The following TF variants were observed in gnomAD, a reference collection of about 807,000 sequenced individuals.
TF encodes transferrin, also known as serotransferrin.
TF carries 55 observed loss-of-function variants against 82.4 expected under a neutral mutation model. The ratio of observed to expected loss-of-function variants is 0.67; its 90% CI spans 0.54 to 0.84. The LOEUF is 0.84. TF is among the 40% of genes least tolerant of loss of function. The pLI is 0.00. For synonymous variants in TF, 332 were observed against 332.6 expected (o/e 1.00, Z 0.02); for missense variants, 737 against 868.4 (o/e 0.85, Z 1.90).
At chr3:133,754,729 A>G in intron 4 of TF, 58 bp downstream of exon 4, 1 of 1,560,196 alleles carries the variant, frequency 6.4e-7, no homozygotes, top group East Asian at 2.2e-5. Flanking sequence ...AGATGCCCAC[A>G]CAGGCTGCAC....
At chr3:133,682,741 C>T in the TF span, among the ~76,000 whole-genome samples, 7 of 103,132 alleles carry the variant, frequency 6.8e-5, no homozygotes, top group Admixed American at 1.9e-4. Context: ...GATTGGTGTA[C>T]CTGAAAGTGA....
rs771354238 is a variant in TF, at chr3:133,766,403, C to G, written c.1456C>G (p.Leu486Val). The G allele has an allele frequency of 2.9e-5, 47 of 1,614,084 alleles. No individual in the cohort carries two copies. The highest frequency in any genetic ancestry group is 3.7e-5 in the Non-Finnish European group (44 of 1,180,036). Residue 486 changes from leucine to valine, a missense_variant, in exon 12 of 17, where the codon CTC becomes GTC. By Grantham distance (32) the Leu-to-Val change is conservative. Coordinates refer to ENST00000402696, the MANE Select transcript of TF (RefSeq NM_001063.4). ...TGGCTGGAACATCCCCATGGGCCTG[C>G]TCTACAATAAGATCAACCACTGCAG... ...TAGWNIPMGL[L>V]YNKINHCRFD... is the part of the protein sequence containing the mutation.
At chr3:133,688,545 C>G in the TF span, among the ~76,000 whole-genome samples, 2 of 151,710 alleles carry the variant, frequency 1.3e-5, no homozygotes, top group African/African-American at 4.9e-5. Flanking sequence ...TGTAGCTGCT[C>G]AACATTCATT....
upstream of TF, among the ~76,000 whole-genome samples, chr3:133,745,688 T>C (rs1438363738): frequency 6.6e-6 from 1 of 152,216 alleles, no homozygotes; most frequent in Non-Finnish European, 1.5e-5. Flanking sequence ...CTTGACCATG[T>C]TCCTGGAACC....
chr3:133,753,653 C>T lies in TF; in HGVS notation c.275C>T (p.Ala92Val). ...DAGLVYDAYLAPNNLKPVVAE... is the reference protein window; with the variant it reads ...DAGLVYDAYLVPNNLKPVVAE... Reference sequence around the variant, plus strand: ...GGTTTGGTGTATGATGCTTACCTGGCTCCCAATAACCTGAAGCCTGTGGTG... The same window carrying T: ...GGTTTGGTGTATGATGCTTACCTGGTTCCCAATAACCTGAAGCCTGTGGTG... The change falls in exon 3 of 17, where the codon GCT becomes GTT. Residue 92 changes from alanine to valine, a missense_variant. Transcript: ENST00000402696. 1.9e-6 allele frequency: 3 copies of T among 1,614,200 alleles called. No homozygotes were observed. The highest frequency in any genetic ancestry group is 2.5e-6 in the Non-Finnish European group (3 of 1,180,030).
At chr3:133,763,493 C>T (rs896147640) in intron 9 of TF, among the ~76,000 whole-genome samples, 1 of 152,156 alleles carries the variant, frequency 6.6e-6, no homozygotes. Flanking sequence ...GTTTAATTTT[C>T]TTTTTGCTAT....
At chr3:133,726,071 G>A in the TF span, among the ~76,000 whole-genome samples, 1 of 152,170 alleles carries the variant, frequency 6.6e-6, no homozygotes, top group East Asian at 1.9e-4. Context: ...GTATTTTATT[G>A]AGGATTTTTG....
chr3:133,764,033 T>C, intron 9 of TF, 149 bp from the exon 10 acceptor site: 1 of 715,428 alleles, frequency 1.4e-6, no homozygotes, highest in Non-Finnish European at 2.6e-6. Context: ...TGAGTGTGCC[T>C]GGCTGATCTT....
rs746672239 is a variant in TF, at chr3:133,753,689, A to G, written c.311A>G (p.Tyr104Cys). 1.1e-5 allele frequency: 17 copies of G among 1,614,074 alleles called. No individual in the cohort carries two copies. The East Asian group carries it at 2.9e-4, about 27-fold the overall frequency. ...NNLKPVVAEF[Y>C]GSKEDPQTFY... ...CTGAAGCCTGTGGTGGCAGAGTTCTATGGGTCAAAAGAGGGTAAGTTCTCC... is the reference window on the plus strand; with the variant it reads ...CTGAAGCCTGTGGTGGCAGAGTTCTGTGGGTCAAAAGAGGGTAAGTTCTCC... Residue 104 changes from tyrosine (Y) to cysteine (C), a missense_variant, in exon 3 of 17, where the codon TAT becomes TGT. Coordinates refer to ENST00000402696, the MANE Select transcript of TF (RefSeq NM_001063.4).
intron 16 of TF, 108 bp downstream of exon 16, chr3:133,777,346 C>A: frequency 9.5e-7 from 1 of 1,048,944 alleles, no homozygotes; most frequent in Non-Finnish European, 1.4e-6. Context: ...GATAGGACAA[C>A]ATGGACAAAA....
At chr3:133,751,229 C>T (rs895093734) in intron 2 of TF, among the ~76,000 whole-genome samples, 1 of 96,014 alleles carries the variant, frequency 1.0e-5, no homozygotes, top group Non-Finnish European at 2.0e-5. Context: ...TAAGATTCCA[C>T]TTTTTTTTTT....
intron 1 of TF, chr3:133,748,167 T>C: frequency 1.3e-5 from 7 of 557,954 alleles, no homozygotes; most frequent in South Asian, 7.9e-5. Context: ...TGGGAGGTGA[T>C]GGCCATGCCT....
the TF span, among the ~76,000 whole-genome samples, chr3:133,663,485 G>GGAAAAAA: frequency 1.5e-4 from 22 of 150,142 alleles, no homozygotes; most frequent in African/African-American, 5.4e-4. Flanking sequence ...CTAGAGGTGG[G>GGAAAAAA]AAAAAAAAGA....
chr3:133,682,083 C>G, the TF span, among the ~76,000 whole-genome samples: 5 of 152,326 alleles, frequency 3.3e-5, no homozygotes, highest in East Asian at 9.7e-4. Flanking sequence ...GATACCCAGG[C>G]AAACAGGGTC....
At chr3:133,740,131 C>T in the TF span, among the ~76,000 whole-genome samples, 2 of 152,174 alleles carry the variant, frequency 1.3e-5, no homozygotes, top group African/African-American at 2.4e-5. Flanking sequence ...GGCACATATA[C>T]ACGATGGAAT....
At chr3:133,687,539 A>C in the TF span, among the ~76,000 whole-genome samples, 3 of 152,118 alleles carry the variant, frequency 2.0e-5, no homozygotes, top group African/African-American at 7.2e-5. Flanking sequence ...CATTTTCACC[A>C]CCCTAAAAGA....
At chr3:133,719,211 T>C in the TF span, among the ~76,000 whole-genome samples, 1 of 152,184 alleles carries the variant, frequency 6.6e-6, no homozygotes, top group Non-Finnish European at 1.5e-5. Flanking sequence ...CAAAATCACC[T>C]TTCATGCTGA....
intron 9 of TF, chr3:133,761,138 T>C (rs1933981634): frequency 5.3e-6 from 1 of 190,394 alleles, no homozygotes; most frequent in Admixed American, 4.8e-5. Flanking sequence ...ATCATGTTCA[T>C]GAGTAGACAC....
chr3:133,747,669 G>A (rs1559866611), intron 1 of TF, among the ~76,000 whole-genome samples: 1 of 152,214 alleles, frequency 6.6e-6, no homozygotes, highest in Non-Finnish European at 1.5e-5. Context: ...GCCAAAAAGT[G>A]TGGTGAAAAT....
Sources: allele counts gnomAD v4.1 joint callset (sites outside exome capture counted in the v4.1 genomes callset), GRCh38; gene constraint gnomAD v4.1.1; transcripts MANE v1.5; gene names NCBI Gene and HGNC (gene_info 2026-07-23, HGNC 2026-07-21).